MYBPC1: variants seen among roughly 807,000 people sequenced by gnomAD.
The protein encoded by MYBPC1 is myosin-binding protein C, slow-type.
A neutral mutation model predicts 147.1 loss-of-function variants in MYBPC1; 52 were observed. That is an observed-to-expected ratio of 0.35 (90% CI 0.28 to 0.45). MYBPC1 has a LOEUF of 0.45. Ranked by LOEUF, MYBPC1 falls within the 20% of genes least tolerant of loss-of-function variation. The pLI, the probability that MYBPC1 is intolerant of heterozygous loss-of-function variation, is 1.00. For missense variants in MYBPC1, 1,228 were observed against 1,440.3 expected (o/e 0.85, Z 2.39); for synonymous variants, 477 against 475.9 (o/e 1.00, Z -0.03).
At chr12:101,648,448 T>C (rs1396226670) in intron 14 of MYBPC1, among the ~76,000 whole-genome samples, 1 of 152,218 alleles carries the variant, frequency 6.6e-6, no homozygotes, top group African/African-American at 2.4e-5. Flanking sequence ...ATGGATGCTC[T>C]TAACCTTTAT....
At chr12:101,666,609 C>A in intron 22 of MYBPC1, 1 of 886,062 alleles carries the variant, frequency 1.1e-6, no homozygotes, top group Non-Finnish European at 1.9e-6. Flanking sequence ...TTGGTCTCTT[C>A]CGTCACTGCT....
chr12:101,602,853 T>C (rs145282340), intron 1 of MYBPC1, among the ~76,000 whole-genome samples: 8 of 152,324 alleles, frequency 5.3e-5, no homozygotes, highest in East Asian at 1.9e-4. Context: ...ACCTCTGTTG[T>C]GTTCTTACTG....
chr12:101,687,930 C>T (rs557894735), downstream of MYBPC1, among the ~76,000 whole-genome samples: 5 of 152,150 alleles, frequency 3.3e-5, no homozygotes, highest in Non-Finnish European at 5.9e-5. Context: ...ATAATCTTTC[C>T]TTATATTAAG....
intron 23 of MYBPC1, 22 bp from the exon 24 acceptor site, chr12:101,670,299 G>T: frequency 1.3e-6 from 2 of 1,597,510 alleles, no homozygotes; most frequent in Non-Finnish European, 1.7e-6. Flanking sequence ...TTGCAAAATT[G>T]TGCTATTTTA....
At chr12:101,617,320 G>A (rs1163803252) in intron 3 of MYBPC1, 77 bp downstream of exon 3, 1 of 1,453,534 alleles carries the variant, frequency 6.9e-7, no homozygotes, top group East Asian at 2.3e-5. Flanking sequence ...GATTGTCATG[G>A]TGGCTCCATA....
downstream of MYBPC1, among the ~76,000 whole-genome samples, chr12:101,687,630 T>A (rs1229577854): frequency 6.6e-6 from 1 of 152,246 alleles, no homozygotes; most frequent in Non-Finnish European, 1.5e-5. Flanking sequence ...GAAAACCTTA[T>A]GTCTATGTAC....
downstream of MYBPC1, among the ~76,000 whole-genome samples, chr12:101,686,617 C>T (rs1076535): frequency 0.74 from 113,220 of 152,194 alleles, 42,347 homozygotes; most frequent in Non-Finnish European, 0.76. Context: ...GGTACCACAG[C>T]ATTACTGTTT....
intron 1 of MYBPC1, among the ~76,000 whole-genome samples, chr12:101,596,000 A>G (rs1877104511): frequency 6.6e-6 from 1 of 152,068 alleles, no homozygotes; most frequent in South Asian, 2.1e-4. Context: ...TTTCATTTAT[A>G]TTCATCTTCA....
Position 101,598,301 on chromosome 12 carries a change from T to C in MYBPC1, c.25+3206T>C, listed in dbSNP as rs543637738. ...TCCCAGAGTGCTGGGATTACAGGCATGAGCCACTGTGCCCGGCCAAGAAAT... is the reference window on the plus strand; with the variant it reads ...TCCCAGAGTGCTGGGATTACAGGCACGAGCCACTGTGCCCGGCCAAGAAAT... On this transcript the variant is annotated intron_variant, in intron 1 of 31. Coordinates refer to ENST00000361466, the MANE Select transcript of MYBPC1 (RefSeq NM_002465.4). Among the ~76,000 whole-genome samples, 199 of 152,294 alleles carry C rather than the reference T, an allele frequency of 1.3e-3. 1 individual carries two copies. Among genetic ancestry groups the C allele is most frequent in the African/African-American group, 4.6e-3 (192 of 41,574 alleles).
chr12:101,614,804 G>A, intron 2 of MYBPC1: 1 of 513,348 alleles, frequency 1.9e-6, no homozygotes, highest in Non-Finnish European at 3.5e-6. Flanking sequence ...AAGTTATTAT[G>A]TCCGCATTTT....
chr12:101,684,647 C>T (rs1951243412), intron 31 of MYBPC1, among the ~76,000 whole-genome samples: 1 of 152,154 alleles, frequency 6.6e-6, no homozygotes, highest in South Asian at 2.1e-4. Context: ...TTGTTGAATG[C>T]AGTAGAGCAT....
At chr12:101,693,977 C>T in the MYBPC1 span, among the ~76,000 whole-genome samples, 2 of 152,144 alleles carry the variant, frequency 1.3e-5, no homozygotes, top group Non-Finnish European at 2.9e-5. Flanking sequence ...GAGTCATGGC[C>T]AGCCATTTTT....
Position 101,659,657 on chromosome 12 carries a change from T to C in MYBPC1, c.1768-15T>C. 6.2e-7 allele frequency: 1 copy of C among 1,614,086 alleles called. No homozygotes were observed. On this transcript the variant is annotated splice_polypyrimidine_tract_variant and intron_variant, in intron 18 of 31. Transcript: ENST00000361466. The stretch of plus-strand genomic sequence containing the variant: ...TTGTGTAAATCATGCCACATTTTGT[T>C]TCTCCACTTCTTAGGCTATTATGGA...
Position 101,658,591 on chromosome 12 carries a change from A to G in MYBPC1, c.1768-1081A>G, listed in dbSNP as rs1017679413. On this transcript the variant is annotated intron_variant, in intron 18 of 31. Transcript: ENST00000361466. ...TATACAAATTGGGAAAGAAGAAATA[A>G]AATGGTCTTTGTTCACAGATGACAT... is the stretch of plus-strand genomic sequence containing the variant. 9.2e-5 allele frequency among the ~76,000 whole-genome samples: 14 copies of G among 152,328 alleles called. 1 individual carries two copies. Among genetic ancestry groups the G allele is most frequent in the Admixed American group, 5.9e-4 (9 of 15,292 alleles).
At chr12:101,629,952 C>T (rs772872314) in intron 6 of MYBPC1, among the ~76,000 whole-genome samples, 2 of 152,056 alleles carry the variant, frequency 1.3e-5, no homozygotes, top group South Asian at 2.1e-4. Flanking sequence ...GCTATTAGTA[C>T]GTTCGCAATG....
chr12:101,694,312 A>C, the MYBPC1 span, among the ~76,000 whole-genome samples: 5 of 152,214 alleles, frequency 3.3e-5, no homozygotes, highest in Admixed American at 3.3e-4. Context: ...TGCAAAGTGC[A>C]GTCACATGTT....
chr12:101,663,344 A>T lies in MYBPC1; in HGVS notation c.2222-82A>T, dbSNP rs1367469810. 4 of 1,212,180 alleles carry T rather than the reference A, an allele frequency of 3.3e-6. No homozygotes were observed. The African/African-American group carries it at 4.4e-5, about 13-fold the overall frequency. The allele number at this position is 1,212,180 out of a possible 1,614,324, so 75.1% of individuals were successfully genotyped here. On this transcript the variant is annotated intron_variant, in intron 21 of 31. Transcript: ENST00000361466. Reference sequence around the variant, plus strand: ...GGCTTTTGTGTCTATTTTTATTTGTATCCCCATTGGTTTTATCACAGTTCC... The same window carrying T: ...GGCTTTTGTGTCTATTTTTATTTGTTTCCCCATTGGTTTTATCACAGTTCC...
downstream of MYBPC1, among the ~76,000 whole-genome samples, chr12:101,687,131 T>A (rs533625355): frequency 6.2e-4 from 94 of 152,248 alleles, no homozygotes; most frequent in Middle Eastern, 3.4e-3. Flanking sequence ...CGTGCAGGTT[T>A]GTTGCATACG....
intron 1 of MYBPC1, among the ~76,000 whole-genome samples, chr12:101,596,473 G>A (rs866737533): frequency 1.2e-4 from 18 of 152,190 alleles, no homozygotes; most frequent in Non-Finnish European, 2.4e-4. Flanking sequence ...GTACCCAGAA[G>A]CAATACATTC....
Sources: gnomAD v4.1 joint callset for allele counts (sites outside exome capture counted in the v4.1 genomes callset) on GRCh38, gnomAD v4.1.1 for gene constraint, MANE v1.5 for transcripts, NCBI Gene and HGNC (gene_info 2026-07-23, HGNC 2026-07-21) for gene names.